GAS7: variants seen among roughly 807,000 people sequenced by gnomAD.
The protein encoded by GAS7 is growth arrest-specific protein 7.
In GAS7, 28 loss-of-function variants were observed where a neutral mutation model predicts 71.1. The ratio of observed to expected loss-of-function variants is 0.39; its 90% CI spans 0.29 to 0.54. The LOEUF is 0.54. Ranked by LOEUF, GAS7 falls within the 20% of genes least tolerant of loss-of-function variation. The pLI is 0.62. For synonymous variants in GAS7, 258 were observed against 245.8 expected (o/e 1.05, Z -0.46); for missense variants, 436 against 627.8 (o/e 0.69, Z 3.27).
rs16958958 is a variant in GAS7, at chr17:9,911,214, G to A, written c.*6014C>T. ...CTGCAGGTGATGCTGGAAGGGAAGC[G>A]CCCCCACTTGACAGATGAGTGCACG... On this transcript the variant is annotated 3_prime_UTR_variant, in exon 14 of 14. Transcript: ENST00000432992. The surrounding 1 kb of genome is among the most constrained non-coding windows in gnomAD (Gnocchi z 4.0). 0.021 allele frequency: 4,937 copies of A among 233,282 alleles called. 243 individuals are homozygous for A. Among genetic ancestry groups the A allele is most frequent in the African/African-American group, 0.1 (4,529 of 45,374 alleles). The allele number at this position is 233,282 out of a possible 1,614,324, so 14.5% of individuals were successfully genotyped here. A position where few individuals can be genotyped will look rare whatever the true frequency, so the allele number is the denominator to read the frequency against.
chr17:10,116,246 G>A (rs371751873), intron 1 of GAS7, among the ~76,000 whole-genome samples: 3 of 152,142 alleles, frequency 2.0e-5, no homozygotes, highest in East Asian at 1.9e-4. Flanking sequence ...CCCAGGAGGC[G>A]GAGGTTGCAG....
chr17:10,191,884 AAAAAAAAAG>A (rs1470903637), intron 1 of GAS7, among the ~76,000 whole-genome samples: 6 of 151,934 alleles, frequency 3.9e-5, no homozygotes, highest in African/African-American at 1.2e-4. Flanking sequence ...CAAAAAAAAA[AAAAAAAAAG>A]AGGAGAGAGA....
chr17:10,014,723 T>C (rs1166399007), intron 2 of GAS7, among the ~76,000 whole-genome samples: 1 of 152,164 alleles, frequency 6.6e-6, no homozygotes. Context: ...TAGGTTTATA[T>C]GTGTCTCTGG....
In GAS7 at chr17:9,911,580, T is replaced by A; in HGVS notation, c.*5648A>T. The stretch of plus-strand genomic sequence containing the variant: ...GGGAGAAGCGAATTGGTTTTTGCCC[T>A]CTGTCTGATTCTCGCTCTAACCTGC... On this transcript the variant is annotated 3_prime_UTR_variant, in exon 14 of 14. Transcript: ENST00000432992. This position sits in a 1 kb window ranked among gnomAD's most constrained non-coding sequence, Gnocchi z 4.0. 4.3e-6 allele frequency: 1 copy of A among 233,120 alleles called. No homozygotes were observed. The highest frequency in any genetic ancestry group is 6.0e-5 in the East Asian group (1 of 16,556). 14.4% of individuals were successfully genotyped at this position (233,120 alleles called of 1,614,324 possible). A position where few individuals can be genotyped will look rare whatever the true frequency, so the allele number is the denominator to read the frequency against.
chr17:10,047,502 G>T (rs11870445), intron 1 of GAS7, among the ~76,000 whole-genome samples: 1 of 152,052 alleles, frequency 6.6e-6, no homozygotes, highest in Non-Finnish European at 1.5e-5. Context: ...AGATCCTGCC[G>T]TGTCAAGAAT....
chr17:10,157,189 C>T (rs2074211901), intron 1 of GAS7, among the ~76,000 whole-genome samples: 1 of 152,170 alleles, frequency 6.6e-6, no homozygotes, highest in Admixed American at 6.5e-5. Flanking sequence ...CCACGGCTTA[C>T]AAACCCGCAG....
intron 8 of GAS7, among the ~76,000 whole-genome samples, chr17:9,939,293 G>A (rs960507708): frequency 1.3e-5 from 2 of 152,134 alleles, no homozygotes; most frequent in African/African-American, 4.8e-5. Context: ...TTACCCACTA[G>A]GAGTCCTTCT....
intron 1 of GAS7, among the ~76,000 whole-genome samples, chr17:10,187,201 T>C (rs1051930307): frequency 2.0e-4 from 30 of 152,342 alleles, no homozygotes; most frequent in African/African-American, 6.7e-4. Context: ...CATGTGCTGT[T>C]TGACACAGTC....
At chr17:10,171,438 A>T (rs1411366334) in intron 1 of GAS7, among the ~76,000 whole-genome samples, 2 of 152,216 alleles carry the variant, frequency 1.3e-5, no homozygotes, top group African/African-American at 4.8e-5. Flanking sequence ...TTTAGCAGGA[A>T]ATCGGCTTCC....
intron 1 of GAS7, among the ~76,000 whole-genome samples, chr17:10,154,782 C>T (rs769922392): frequency 9.9e-5 from 15 of 152,108 alleles, no homozygotes; most frequent in Non-Finnish European, 1.9e-4. Context: ...GTGATGCTCC[C>T]CAGCCAGCTA....
intron 1 of GAS7, among the ~76,000 whole-genome samples, chr17:10,181,854 G>A (rs2074419400): frequency 6.6e-6 from 1 of 152,144 alleles, no homozygotes; most frequent in Admixed American, 6.5e-5. Flanking sequence ...CCAAAACCAA[G>A]ATGGCAGCCA....
At chr17:10,128,821 G>A (rs938610939) in intron 1 of GAS7, among the ~76,000 whole-genome samples, 3 of 146,612 alleles carry the variant, frequency 2.0e-5, no homozygotes, top group Middle Eastern at 3.5e-3. Flanking sequence ...GGTTTTCACC[G>A]TGTTAGCCAG....
intron 1 of GAS7, among the ~76,000 whole-genome samples, chr17:10,159,987 C>T (rs1231240639): frequency 6.6e-6 from 1 of 151,994 alleles, no homozygotes; most frequent in Non-Finnish European, 1.5e-5. Flanking sequence ...CCATATTGCC[C>T]AGGCTGGTCT....
chr17:10,090,412 T>C (rs1211983415), intron 1 of GAS7, among the ~76,000 whole-genome samples: 1 of 152,298 alleles, frequency 6.6e-6, no homozygotes, highest in Admixed American at 6.5e-5. Context: ...TTGTCCTGAT[T>C]TATACACAAA....
rs549694843 is a variant in GAS7, at chr17:9,916,913, A to T, written c.*315T>A. ...GGCTTCCAGGGCACAAGCATGTGAC[A>T]GTGACCCCTACAAAACTCGGCAAGG... On this transcript the variant is annotated 3_prime_UTR_variant, in exon 14 of 14. Coordinates refer to ENST00000432992, the MANE Select transcript of GAS7 (RefSeq NM_201433.2). The T allele has an allele frequency of 2.0e-5, 10 of 498,578 alleles. No individual in the cohort carries two copies. In the East Asian group the frequency reaches 2.6e-4, roughly 13 times the overall value. 30.9% of individuals were successfully genotyped at this position (498,578 alleles called of 1,614,324 possible).
rs1265236778 is a variant in GAS7, at chr17:9,959,179, G to A, written c.525+23C>T. 1 of 1,611,816 alleles carries A rather than the reference G, an allele frequency of 6.2e-7. No homozygotes were observed. Among genetic ancestry groups the A allele is most frequent in the Non-Finnish European group, 8.5e-7 (1 of 1,178,846 alleles). On this transcript the variant is annotated intron_variant, in intron 5 of 13. Transcript: ENST00000432992. This position sits in a 1 kb window ranked among gnomAD's most constrained non-coding sequence, Gnocchi z 5.0. ...GCCCCAGCTCGCAGCCCACCCTGAG[G>A]GCGCCCCTCGGGAGCCACTTACTGT...
intron 1 of GAS7, among the ~76,000 whole-genome samples, chr17:10,171,745 G>A (rs530392150): frequency 2.0e-4 from 30 of 152,250 alleles, no homozygotes; most frequent in African/African-American, 7.2e-4. Context: ...CTGATTGGTT[G>A]TGTGTCCTGA....
intron 1 of GAS7, among the ~76,000 whole-genome samples, chr17:10,157,145 G>C (rs973926933): frequency 6.6e-6 from 1 of 152,102 alleles, no homozygotes; most frequent in South Asian, 2.1e-4. Context: ...CACAGGATTT[G>C]ACACATGGGA....
rs1168698479 is a variant in GAS7, at chr17:10,006,316, CTTTTTTTTTTTTTT to C, written c.304+13447_304+13460del. On this transcript the variant is annotated intron_variant, in intron 2 of 13. Transcript: ENST00000432992. ...ATGAAAACAGTACAAGCCCCAGATT[CTTTTTTTTTTTTTT>C]TTTTTTTTTTTTTTTTTGAGACAGA... is the stretch of plus-strand genomic sequence containing the variant. 1.6e-3 allele frequency among the ~76,000 whole-genome samples: 102 copies of C among 65,614 alleles called. 3 individuals carry two copies. Among genetic ancestry groups the C allele is most frequent in the Middle Eastern group, 0.014 (1 of 72 alleles). The allele number at this position is 65,614 out of a possible 152,430, so 43.0% of individuals were successfully genotyped here. A position where few individuals can be genotyped will look rare whatever the true frequency, so the allele number is the denominator to read the frequency against.
Sources: gnomAD v4.1 joint callset for allele counts (sites outside exome capture counted in the v4.1 genomes callset) on GRCh38, gnomAD v4.1.1 for gene constraint, Gnocchi (gnomAD v3.1) non-coding constraint, MANE v1.5 for transcripts, NCBI Gene and HGNC (gene_info 2026-07-23, HGNC 2026-07-21) for gene names.